CFAP74: variants seen among roughly 807,000 people sequenced by gnomAD.
The protein encoded by CFAP74 is cilia and flagella associated protein 74.
A neutral mutation model predicts 188.9 loss-of-function variants in CFAP74; 124 were observed. The observed-to-expected ratio is 0.66, with a 90% CI of 0.57 to 0.76. The LOEUF (loss-of-function observed/expected upper bound fraction) is 0.76, where lower values mean the gene tolerates loss of function less well. Among genes scored for constraint, CFAP74 ranks in the 30% least tolerant of loss-of-function variants. The pLI, the probability that CFAP74 is intolerant of heterozygous loss-of-function variation, is 0.00. For missense variants in CFAP74, 2,198 were observed against 2,165.2 expected, an observed-to-expected ratio of 1.02 and a Z score of -0.30; for synonymous variants, 956 against 916.7, an observed-to-expected ratio of 1.04 and a Z score of -0.77.
At chr1:1,966,334 T>G (rs1157181677) in intron 12 of CFAP74, 37 bp downstream of exon 12, 1 of 1,445,826 alleles carries the variant, frequency 6.9e-7, no homozygotes. Flanking sequence ...AGGGCCGGGG[T>G]CCGTCTGCAA....
intron 16 of CFAP74, among the ~76,000 whole-genome samples, chr1:1,958,677 G>C (rs1244671947): frequency 2.0e-5 from 3 of 152,214 alleles, no homozygotes; most frequent in Non-Finnish European, 4.4e-5. Flanking sequence ...CCAAGCAAAG[G>C]TGTCCGAGGC....
intron 1 of CFAP74, among the ~76,000 whole-genome samples, chr1:1,998,070 G>A (rs1384818181): frequency 6.6e-6 from 1 of 152,156 alleles, no homozygotes; most frequent in African/African-American, 2.4e-5. Context: ...CTGAGGTCAG[G>A]AGTTCGAGAC....
chr1:1,999,014 C>T (rs924688786), intron 1 of CFAP74, among the ~76,000 whole-genome samples: 1 of 152,204 alleles, frequency 6.6e-6, no homozygotes, highest in African/African-American at 2.4e-5. Flanking sequence ...CCTAAAACCC[C>T]TATCCAAATC....
intron 1 of CFAP74, among the ~76,000 whole-genome samples, chr1:2,001,486 C>A (rs1658207599): frequency 6.6e-6 from 1 of 152,104 alleles, no homozygotes. Context: ...ACCGCCACCA[C>A]ACCTGGCTAA....
At chr1:1,991,999 C>T (rs893038143) in intron 1 of CFAP74, among the ~76,000 whole-genome samples, 10 of 150,824 alleles carry the variant, frequency 6.6e-5, no homozygotes, top group African/African-American at 2.5e-4. Context: ...GAGATCGCGC[C>T]ACTGCACTCC....
intron 1 of CFAP74, among the ~76,000 whole-genome samples, chr1:1,991,839 A>G (rs1217171164): frequency 2.0e-5 from 3 of 151,918 alleles, no homozygotes; most frequent in Non-Finnish European, 2.9e-5. Flanking sequence ...GGAGATCGAG[A>G]CTATCCTGGC....
intron 3 of CFAP74, 52 bp from the exon 4 acceptor site, chr1:1,988,707 C>T: frequency 6.3e-7 from 1 of 1,595,590 alleles, no homozygotes; most frequent in Admixed American, 1.7e-5. Context: ...AGGCTCAGAA[C>T]TCATTCCTCG....
intron 11 of CFAP74, 150 bp from the exon 12 acceptor site, chr1:1,966,676 T>A (rs1655499592): frequency 1.9e-6 from 1 of 528,144 alleles, no homozygotes; most frequent in African/African-American, 2.0e-5. Flanking sequence ...TGCACACGGT[T>A]TTGTAACTTT....
At chr1:1,927,142 G>C (rs931054476) in intron 28 of CFAP74, 114 bp from the exon 29 acceptor site, 1 of 1,274,454 alleles carries the variant, frequency 7.8e-7, no homozygotes, top group African/African-American at 1.5e-5. Flanking sequence ...CCAAGCTGTG[G>C]CTGTCCCAGT....
intron 11 of CFAP74, among the ~76,000 whole-genome samples, chr1:1,967,290 TGG>T (rs1462808438): frequency 6.6e-6 from 1 of 152,170 alleles, no homozygotes; most frequent in African/African-American, 2.4e-5. Context: ...AAGGGGGAAC[TGG>T]GCCGGGTAGA....
chr1:2,002,519 AAAAATACAAAAATT>A (rs1658257275), intron 1 of CFAP74, among the ~76,000 whole-genome samples: 1 of 151,340 alleles, frequency 6.6e-6, no homozygotes, highest in South Asian at 2.1e-4. Flanking sequence ...CGTCTATACT[AAAAATACAAAAATT>A]AGCCAGGCAT....
At chr1:1,928,684 G>A (rs1403529544) in intron 27 of CFAP74, 100 bp downstream of exon 27, 4 of 821,124 alleles carry the variant, frequency 4.9e-6, no homozygotes, top group Admixed American at 4.7e-5. Flanking sequence ...CTGTGCTCCC[G>A]GCACGTGGCC....
At chr1:1,952,385 G>A (rs1408106614) in intron 18 of CFAP74, among the ~76,000 whole-genome samples, 1 of 151,238 alleles carries the variant, frequency 6.6e-6, no homozygotes, top group East Asian at 1.9e-4. Context: ...AAAAAAGCAA[G>A]ACCAATGTAA....
rs1651435335 is a variant in CFAP74 at position 1,922,205 on chromosome 1, C to G, written c.*82G>C. On this transcript the variant is annotated 3_prime_UTR_variant, in exon 39 of 39. Transcript: ENST00000682832. The stretch of plus-strand genomic sequence containing the variant: ...GCAGAGGATGGCCAGGTCCCAGGCT[C>G]TAGGGTAGTATGACCTGGCCCTCAG... 9.5e-7 allele frequency: 1 copy of G among 1,049,876 alleles called. No individual in the cohort carries two copies. Among genetic ancestry groups the G allele is most frequent in the Non-Finnish European group, 1.4e-6 (1 of 694,468 alleles). 65.0% of individuals were successfully genotyped at this position (1,049,876 alleles called of 1,614,324 possible). A position where few individuals can be genotyped will look rare whatever the true frequency, so the allele number is the denominator to read the frequency against.
chr1:1,991,798 G>A (rs1433727411), intron 1 of CFAP74, among the ~76,000 whole-genome samples: 5 of 152,108 alleles, frequency 3.3e-5, no homozygotes, highest in Non-Finnish European at 7.4e-5. Context: ...CCAGCACTTT[G>A]GGAGGCCAAG....
intron 6 of CFAP74, among the ~76,000 whole-genome samples, chr1:1,981,014 G>C (rs1020740292): frequency 6.6e-6 from 1 of 152,228 alleles, no homozygotes; most frequent in African/African-American, 2.4e-5. Context: ...GCAGCGGCCA[G>C]CCTCGTGGCC....
At position 1,929,152 on chromosome 1, in the gene CFAP74, C is replaced by T. The variant is rs79541918; in HGVS notation, c.3289-270G>A. Among the ~76,000 whole-genome samples the T allele has an allele frequency of 2.7e-3, 414 of 150,956 alleles. 6 individuals are homozygous for T. The highest frequency in any genetic ancestry group is 0.024 in the Middle Eastern group (7 of 292). Reference sequence around the variant, plus strand: ...GCTGAGAATAGAGTCCTGGACAGGCCGGGACTGGGTCCCCTGTCCTCGGGG... The same window carrying T: ...GCTGAGAATAGAGTCCTGGACAGGCTGGGACTGGGTCCCCTGTCCTCGGGG... On this transcript the variant is annotated intron_variant, in intron 26 of 38. Coordinates refer to ENST00000682832, the MANE Select transcript of CFAP74 (RefSeq NM_001304360.2).
chr1:1,988,969 T>A lies in CFAP74; in HGVS notation c.72A>T (p.Arg24Ser). The change falls in exon 3 of 39, where the codon AGA becomes AGT. Residue 24 changes from arginine to serine, a missense_variant. Transcript: ENST00000682832. Reference sequence around the variant, plus strand: ...CAAACTCCGGATCCTCTAATTCATCTCTTTCTAGAAATCAAGGCAAGAGTT... The same window carrying A: ...CAAACTCCGGATCCTCTAATTCATCACTTTCTAGAAATCAAGGCAAGAGTT... The part of the protein sequence containing the change: ...LADALLLEDE[R>S]DELEDPEFDI... 1.3e-6 allele frequency: 2 copies of A among 1,498,928 alleles called. No individual in the cohort carries two copies. The highest frequency in any genetic ancestry group is 1.8e-6 in the Non-Finnish European group (2 of 1,094,136). 92.9% of individuals were successfully genotyped at this position (1,498,928 alleles called of 1,614,324 possible). A position where few individuals can be genotyped will look rare whatever the true frequency, so the allele number is the denominator to read the frequency against.
At chr1:1,969,033 G>C (rs1272388862) in intron 10 of CFAP74, among the ~76,000 whole-genome samples, 200 bp from the exon 11 acceptor site, 1 of 152,066 alleles carries the variant, frequency 6.6e-6, no homozygotes, top group Non-Finnish European at 1.5e-5. Flanking sequence ...GGGCTCTTGG[G>C]GTGGGAACTT....
Sources: gnomAD v4.1 joint callset for allele counts (sites outside exome capture counted in the v4.1 genomes callset) on GRCh38, gnomAD v4.1.1 for gene constraint, MANE v1.5 for transcripts, NCBI Gene and HGNC (gene_info 2026-07-23, HGNC 2026-07-21) for gene names.